Variants in DNM3 observed in about 807,000 individuals in gnomAD.
The protein encoded by DNM3 is dynamin 3, also known as dynamin-3.
A neutral mutation model predicts 101.6 loss-of-function variants in DNM3; 47 were observed. That is an observed-to-expected ratio of 0.46 (90% CI 0.37 to 0.59). DNM3 has a LOEUF of 0.59. DNM3 is among the 20% of genes least tolerant of loss of function. DNM3 has a pLI of 0.00. For missense variants in DNM3, 849 were observed against 1,085.7 expected (o/e 0.78, Z 3.06); for synonymous variants, 385 against 387.9 (o/e 0.99, Z 0.09).
chr1:172,217,388 C>A (rs372636560), intron 14 of DNM3, among the ~76,000 whole-genome samples: 8 of 152,126 alleles, frequency 5.3e-5, no homozygotes, highest in Admixed American at 3.9e-4. Flanking sequence ...GCCTGCCAAC[C>A]AATTGTGTTC....
At chr1:171,889,662 T>C (rs1217157274) in intron 1 of DNM3, among the ~76,000 whole-genome samples, 1 of 152,136 alleles carries the variant, frequency 6.6e-6, no homozygotes, top group Admixed American at 6.5e-5. Context: ...TTTGAAAAGG[T>C]TAAGGCAAAA....
At chr1:172,009,358 T>C (rs2046966135) in intron 4 of DNM3, among the ~76,000 whole-genome samples, 1 of 151,050 alleles carries the variant, frequency 6.6e-6, no homozygotes, top group Admixed American at 6.6e-5. Context: ...TATCTTTTTA[T>C]TTGAATTTGT....
rs561007644 is a variant in DNM3 at position 172,391,974 on chromosome 1, T to C, written c.2522+3165T>C. 3.3e-3 allele frequency among the ~76,000 whole-genome samples: 508 copies of C among 152,354 alleles called. 2 individuals carry two copies. The highest frequency in any genetic ancestry group is 0.012 in the African/African-American group (482 of 41,590). ...TGACTTTTAAGAGCATATATACTTT[T>C]ATGTTAACGCCATTCAAAGGTAATC... On this transcript the variant is annotated intron_variant, in intron 20 of 20. Coordinates refer to ENST00000627582, the MANE Select transcript of DNM3 (RefSeq NM_015569.5).
chr1:172,239,896 G>A (rs774813087), intron 14 of DNM3, among the ~76,000 whole-genome samples: 1 of 132,908 alleles, frequency 7.5e-6, no homozygotes, highest in Non-Finnish European at 1.5e-5. Flanking sequence ...TTTTTTCCCT[G>A]TCCAAAGCCC....
chr1:172,084,976 A>G (rs1435828234), intron 12 of DNM3, among the ~76,000 whole-genome samples: 1 of 152,138 alleles, frequency 6.6e-6, no homozygotes, highest in Non-Finnish European at 1.5e-5. Context: ...ACATCTCAAA[A>G]TTCTTCTTTC....
At chr1:171,914,517 T>A (rs180939310) in intron 1 of DNM3, among the ~76,000 whole-genome samples, 1,565 of 152,352 alleles carry the variant, frequency 0.01, 14 homozygotes, top group African/African-American at 0.012. Flanking sequence ...GATTTTTTTT[T>A]AAATTTTATT....
At position 171,905,038 on chromosome 1, in the gene DNM3, G is replaced by A. The variant is rs1054363794; in HGVS notation, c.162-16710G>A. ...AGCTCTTAGGCATATCTGATATTTA[G>A]ATTTCTTACTGATGTGGCTGACTCT... On this transcript the variant is annotated intron_variant, in intron 1 of 20. Coordinates refer to ENST00000627582, the MANE Select transcript of DNM3 (RefSeq NM_015569.5). Among the ~76,000 whole-genome samples the A allele has an allele frequency of 2.0e-5, 3 of 152,270 alleles. No homozygotes were observed. The South Asian group carries it at 6.2e-4, about 32-fold the overall frequency.
chr1:172,231,639 C>T (rs2061340639), intron 14 of DNM3, among the ~76,000 whole-genome samples: 1 of 152,146 alleles, frequency 6.6e-6, no homozygotes, highest in South Asian at 2.1e-4. Flanking sequence ...GATGATCAAA[C>T]TTCTGCGAGC....
At chr1:171,896,098 C>A (rs754541036) in intron 1 of DNM3, among the ~76,000 whole-genome samples, 22 of 152,234 alleles carry the variant, frequency 1.4e-4, no homozygotes, top group Admixed American at 3.9e-4. Context: ...GTTCTTTTTG[C>A]TTAGGATTGT....
Position 172,388,573 on chromosome 1 carries a change from GT to G in DNM3, c.2287del (p.Ser763HisfsTer14). On this transcript the variant is annotated frameshift_variant and splice_region_variant, in exon 20 of 21. Coordinates refer to ENST00000627582, the MANE Select transcript of DNM3 (RefSeq NM_015569.5). LOFTEE classifies it high-confidence loss of function. Reference sequence around the variant, plus strand: ...AACTATGATTTCTCTTTTTCCTCAGGTCACCTCCTCCAAGCCCCACAACCCA... The same window carrying G: ...AACTATGATTTCTCTTTTTCCTCAGGCACCTCCTCCAAGCCCCACAACCCA... Reference protein sequence around the residue: ...DDSWIQHSRRSPPPSPTTQRR... With the variant: ...DDSWIQHSRRXPPPSPTTQRR... 6.2e-7 allele frequency: 1 copy of G among 1,612,984 alleles called. No individual in the cohort carries two copies. Among genetic ancestry groups the G allele is most frequent in the Non-Finnish European group, 8.5e-7 (1 of 1,179,188 alleles).
intron 5 of DNM3, among the ~76,000 whole-genome samples, chr1:172,032,868 T>C (rs4916241): frequency 0.37 from 56,653 of 151,880 alleles, 11,126 homozygotes; most frequent in East Asian, 0.69. Context: ...TCTCTTAAAA[T>C]GTACACAGTT....
intron 4 of DNM3, among the ~76,000 whole-genome samples, chr1:172,021,636 A>G (rs531914973): frequency 6.6e-6 from 1 of 152,338 alleles, no homozygotes; most frequent in South Asian, 2.1e-4. Flanking sequence ...AATAAGAGGT[A>G]TAGGTGGGAT....
At chr1:172,093,176 A>G (rs778013444) in intron 13 of DNM3, among the ~76,000 whole-genome samples, 1 of 152,148 alleles carries the variant, frequency 6.6e-6, no homozygotes, top group East Asian at 1.9e-4. Flanking sequence ...GTTTAATTTA[A>G]CATTGAGTTT....
rs139944200 is a variant in DNM3, at chr1:171,860,090, A to C, written c.161+18273A>C. ...CTGAAGGAAGGATTTTAATCAGGTT[A>C]GTTATGTAATCTGATTTACATTAGA... On this transcript the variant is annotated intron_variant, in intron 1 of 20. Transcript: ENST00000627582. 7.3e-4 allele frequency among the ~76,000 whole-genome samples: 111 copies of C among 152,282 alleles called. 3 individuals carry two copies. The East Asian group carries it at 0.02, about 28-fold the overall frequency.
chr1:172,395,813 C>G (rs1192368306), intron 20 of DNM3, among the ~76,000 whole-genome samples: 1 of 152,216 alleles, frequency 6.6e-6, no homozygotes, highest in Non-Finnish European at 1.5e-5. Flanking sequence ...ATCTGGCTTA[C>G]CAAATGCTGT....
chr1:172,398,940 G>A (rs938669996), intron 20 of DNM3, among the ~76,000 whole-genome samples: 2 of 152,144 alleles, frequency 1.3e-5, no homozygotes, highest in Non-Finnish European at 1.5e-5. Context: ...CGGATTGGTT[G>A]AAAATTTCCT....
intron 2 of DNM3, among the ~76,000 whole-genome samples, chr1:171,942,990 T>C (rs1383945322): frequency 1.3e-5 from 2 of 152,120 alleles, no homozygotes; most frequent in African/African-American, 4.8e-5. Flanking sequence ...CATGCATCTG[T>C]AGTCCCAGCT....
chr1:172,194,224 G>C (rs2059857072), intron 14 of DNM3, among the ~76,000 whole-genome samples: 2 of 152,168 alleles, frequency 1.3e-5, no homozygotes, highest in South Asian at 4.1e-4. Context: ...TGGTCTGAGA[G>C]ACAGTTTGTT....
At chr1:171,974,867 TG>T (rs202120378) in intron 2 of DNM3, among the ~76,000 whole-genome samples, 57 of 144,394 alleles carry the variant, frequency 3.9e-4, no homozygotes, top group Non-Finnish European at 5.2e-4. Flanking sequence ...CTTCTTCTAC[TG>T]TTTTTTTTTT....
Sources: allele counts gnomAD v4.1 joint callset (sites outside exome capture counted in the v4.1 genomes callset), GRCh38; gene constraint gnomAD v4.1.1; transcripts MANE v1.5; gene names NCBI Gene and HGNC (gene_info 2026-07-23, HGNC 2026-07-21).